Variants in HDDC3 observed in about 807,000 individuals in gnomAD.
HDDC3 encodes the protein HD domain containing 3.
In HDDC3, 18 loss-of-function variants were observed where a neutral mutation model predicts 19.1. The observed-to-expected ratio is 0.94, with a 90% CI of 0.65 to 1.40. HDDC3 has a LOEUF of 1.40. Ranked by LOEUF, HDDC3 falls within the 40% of genes most tolerant of loss-of-function variation. The pLI is 0.00. For synonymous variants in HDDC3, 107 were observed against 99.4 expected (o/e 1.08, Z -0.46); for missense variants, 250 against 228.9 (o/e 1.09, Z -0.59).
intron 1 of HDDC3, 111 bp from the exon 2 acceptor site, chr15:90,932,221 G>C: frequency 2.4e-6 from 3 of 1,228,460 alleles, no homozygotes; most frequent in Non-Finnish European, 3.4e-6. Context: ...CTAGCTGGGT[G>C]ACCTTGGTCA....
chr15:90,931,159 C>T lies in HDDC3; in HGVS notation c.*116G>A, dbSNP rs536721315. The stretch of plus-strand genomic sequence containing the variant: ...AGAAAAAATGCAAGTCTTTTTTTGG[C>T]CTCTAATATCTGGGAAGGATGGAGG... On this transcript the variant is annotated 3_prime_UTR_variant, in exon 4 of 4. Transcript: ENST00000394272. 5 of 1,270,800 alleles carry T rather than the reference C, an allele frequency of 3.9e-6. No homozygotes were observed. The East Asian group carries it at 1.0e-4, about 26-fold the overall frequency. The allele number at this position is 1,270,800 out of a possible 1,614,324, so 78.7% of individuals were successfully genotyped here. A position where few individuals can be genotyped will look rare whatever the true frequency, so the allele number is the denominator to read the frequency against.
chr15:90,932,501 A>G lies in HDDC3; in HGVS notation c.40T>C (p.Phe14Leu). 2 of 1,300,618 alleles carry G rather than the reference A, an allele frequency of 1.5e-6. No homozygotes were observed. Among genetic ancestry groups the G allele is most frequent in the Non-Finnish European group, 9.8e-7 (1 of 1,024,742 alleles). The allele number at this position is 1,300,618 out of a possible 1,614,324, so 80.6% of individuals were successfully genotyped here. Reference protein sequence around the residue: ...EAAQLLEAADFAARKHRQQRR... With the variant: ...EAAQLLEAADLAARKHRQQRR... ...TGCTGCCGGTGCTTGCGAGCCGCGA[A>G]GTCGGCAGCCTCCAGCAGCTGCGCC... The change falls in exon 1 of 4, where the codon TTC becomes CTC. Residue 14 changes from phenylalanine to leucine, a missense_variant. Transcript: ENST00000394272.
At position 90,931,814 on chromosome 15, in the gene HDDC3, C is replaced by G; in HGVS notation, c.299G>C (p.Arg100Thr). 1.2e-6 allele frequency: 2 copies of G among 1,614,164 alleles called. No homozygotes were observed. Among genetic ancestry groups the G allele is most frequent in the Non-Finnish European group, 1.7e-6 (2 of 1,180,022 alleles). ...CGCTTGCTCCACCTGCAGCCTCTTT[C>G]TCTCCAGCTTGGGCAGAGTCTTGTC... ...TDDKTLPKLE[R>T]KRLQVEQAPH... Residue 100 changes from arginine (R) to threonine (T), a missense_variant, in exon 3 of 4, where the codon AGA (arginine) becomes ACA (threonine). By Grantham distance (71) the Arg-to-Thr change is moderately conservative (BLOSUM62 -1). Transcript: ENST00000394272.
At position 90,931,853 on chromosome 15, in the gene HDDC3, T is replaced by A; in HGVS notation, c.260A>T (p.Glu87Val). 6.2e-7 allele frequency: 1 copy of A among 1,614,134 alleles called. No individual in the cohort carries two copies. Among genetic ancestry groups the A allele is most frequent in the Non-Finnish European group, 8.5e-7 (1 of 1,180,016 alleles). Residue 87 changes from glutamate (E) to valine (V), a missense_variant, in exon 3 of 4, where the codon GAG becomes GTG. Glu to Val is a moderately radical substitution (Grantham distance 121, BLOSUM62 -2). Coordinates refer to ENST00000394272, the MANE Select transcript of HDDC3 (RefSeq NM_001286451.2). The part of the protein sequence containing the change: ...HFGAQVRRLV[E>V]EVTDDKTLPK... Reference sequence around the variant, plus strand: ...CAGAGTCTTGTCATCTGTTACCTCCTCCACCAGGCGCCGCACTTGTGCCCC... The same window carrying A: ...CAGAGTCTTGTCATCTGTTACCTCCACCACCAGGCGCCGCACTTGTGCCCC...
At position 90,931,533 on chromosome 15, in the gene HDDC3, C is replaced by G. The variant is rs1310664370; in HGVS notation, c.410-128G>C. ...GAATGAGCTGTCCTGAAAACTTCCC[C>G]TTGGCCCAGCTATTGTATTTTTACT... is the stretch of plus-strand genomic sequence containing the variant. On this transcript the variant is annotated intron_variant, in intron 3 of 3. Transcript: ENST00000394272. 3.1e-6 allele frequency: 5 copies of G among 1,614,176 alleles called. No individual in the cohort carries two copies. In the East Asian group the frequency reaches 8.9e-5, roughly 29 times the overall value.
intron 1 of HDDC3, 28 bp from the exon 2 acceptor site, chr15:90,932,138 C>T (rs1476843445): frequency 6.4e-7 from 1 of 1,572,220 alleles, no homozygotes; most frequent in Non-Finnish European, 8.6e-7. Flanking sequence ...AGCAGGAAGT[C>T]AGGTCGGAGG....
intron 1 of HDDC3, 132 bp from the exon 2 acceptor site, chr15:90,932,242 C>T (rs2035826359): frequency 3.0e-6 from 3 of 994,346 alleles, no homozygotes; most frequent in Non-Finnish European, 4.4e-6. Flanking sequence ...AGTACCTTAC[C>T]CTCTGGGAGC....
rs1477051811 is a variant in HDDC3 at position 90,930,148 on chromosome 15, G to C, written c.*1127C>G. 6.6e-6 allele frequency: 1 copy of C among 152,150 alleles called. No individual in the cohort carries two copies. The highest frequency in any genetic ancestry group is 1.5e-5 in the Non-Finnish European group (1 of 68,016). 9.4% of individuals were successfully genotyped at this position (152,150 alleles called of 1,614,324 possible). On this transcript the variant is annotated 3_prime_UTR_variant, in exon 4 of 4. Transcript: ENST00000394272. ...GGCTCCCGGGGTCGGACAGCCCCGG[G>C]CCACTTCCGGGCCTTCCCGGAAGTC...
rs918047538 is a variant in HDDC3, at chr15:90,930,026, C to T, written c.*1249G>A. ...GCAGAATAAAATACATAAAAATAAA[C>T]CTCAGCTGCTCAGCAACGACTGAAA... is the stretch of plus-strand genomic sequence containing the variant. On this transcript the variant is annotated 3_prime_UTR_variant, in exon 4 of 4. Coordinates refer to ENST00000394272, the MANE Select transcript of HDDC3 (RefSeq NM_001286451.2). 2.0e-5 allele frequency: 3 copies of T among 152,300 alleles called. No homozygotes were observed. Among genetic ancestry groups the T allele is most frequent in the East Asian group, 3.9e-4 (2 of 5,184 alleles). The allele number at this position is 152,300 out of a possible 1,614,324, so 9.4% of individuals were successfully genotyped here.
intron 1 of HDDC3, 33 bp from the exon 2 acceptor site, chr15:90,932,143 C>A (rs757374020): frequency 1.9e-6 from 3 of 1,566,064 alleles, no homozygotes; most frequent in Non-Finnish European, 2.6e-6. Context: ...GAAGTCAGGT[C>A]GGAGGTAGTC....
rs202109806 is a variant in HDDC3 at position 90,931,559 on chromosome 15, G to A, written c.409+145C>T. On this transcript the variant is annotated intron_variant, in intron 3 of 3. Transcript: ENST00000394272. The stretch of plus-strand genomic sequence containing the variant: ...TTGGCCCAGCTATTGTATTTTTACT[G>A]TATGAAAGAAGATCAAAGAGTGGTC... The A allele has an allele frequency of 1.6e-3, 2,638 of 1,614,100 alleles. 5 individuals are homozygous for A. The highest frequency in any genetic ancestry group is 2.1e-3 in the Non-Finnish European group (2,441 of 1,180,052).
chr15:90,931,606 T>G, intron 3 of HDDC3, 98 bp downstream of exon 3: 1 of 1,614,072 alleles, frequency 6.2e-7, no homozygotes, highest in Non-Finnish European at 8.5e-7. Context: ...ATTTGGGAAT[T>G]AAGAATGCCC....
chr15:90,932,492 G>A lies in HDDC3; in HGVS notation c.49C>T (p.Arg17Cys), dbSNP rs766705648. Reference sequence around the variant, plus strand: ...TTCCGCCGCTGCTGCCGGTGCTTGCGAGCCGCGAAGTCGGCAGCCTCCAGC... The same window carrying A: ...TTCCGCCGCTGCTGCCGGTGCTTGCAAGCCGCGAAGTCGGCAGCCTCCAGC... The part of the protein sequence containing the change: ...QLLEAADFAA[R>C]KHRQQRRKDP... Residue 17 changes from arginine to cysteine, a missense_variant, in exon 1 of 4, where the codon CGC becomes TGC. Arg to Cys is a radical substitution (Grantham distance 180, BLOSUM62 -3). Transcript: ENST00000394272. 4 of 1,309,680 alleles carry A rather than the reference G, an allele frequency of 3.1e-6. No homozygotes were observed. The highest frequency in any genetic ancestry group is 3.0e-5 in the East Asian group (1 of 33,712). The allele number at this position is 1,309,680 out of a possible 1,614,324, so 81.1% of individuals were successfully genotyped here.
rs368232713 is a variant in HDDC3, at chr15:90,932,008, C to A, written c.168+47G>T. 9.9e-6 allele frequency: 16 copies of A among 1,613,776 alleles called. 1 individual carries two copies. In the Middle Eastern group the frequency reaches 2.0e-3, roughly 199 times the overall value. On this transcript the variant is annotated intron_variant, in intron 2 of 3. Transcript: ENST00000394272. ...AAGGGTTGCCCATTGCTGAATGGGGCCCCTAATCCCCATCCCAGGCTCCTG... is the reference window on the plus strand; with the variant it reads ...AAGGGTTGCCCATTGCTGAATGGGGACCCTAATCCCCATCCCAGGCTCCTG...
Position 90,931,156 on chromosome 15 carries a change from TGGCC to T in HDDC3, c.*115_*118del. 3 of 1,242,728 alleles carry T rather than the reference TGGCC, an allele frequency of 2.4e-6. No individual in the cohort carries two copies. Among genetic ancestry groups the T allele is most frequent in the Admixed American group, 5.1e-5 (2 of 39,048 alleles). 77.0% of individuals were successfully genotyped at this position (1,242,728 alleles called of 1,614,324 possible). ...CTGAGAAAAAATGCAAGTCTTTTTTTGGCCTCTAATATCTGGGAAGGATGGAGGG... is the reference window on the plus strand; with the variant it reads ...CTGAGAAAAAATGCAAGTCTTTTTTTTCTAATATCTGGGAAGGATGGAGGG... On this transcript the variant is annotated 3_prime_UTR_variant, in exon 4 of 4. Transcript: ENST00000394272.
chr15:90,932,152 T>A, intron 1 of HDDC3, 42 bp from the exon 2 acceptor site: 2 of 1,554,702 alleles, frequency 1.3e-6, no homozygotes, highest in South Asian at 2.5e-5. Context: ...TCGGAGGTAG[T>A]CCCAAGGCGG....
Position 90,932,487 on chromosome 15 carries a change from C to A in HDDC3, c.54G>T (p.Lys18Asn). The change falls in exon 1 of 4, where the codon AAG becomes AAT. Residue 18 changes from lysine (K) to asparagine (N), a missense_variant. Coordinates refer to ENST00000394272, the MANE Select transcript of HDDC3 (RefSeq NM_001286451.2). ...LLEAADFAAR[K>N]HRQQRRKDPE... ...GGTCCTTCCGCCGCTGCTGCCGGTGCTTGCGAGCCGCGAAGTCGGCAGCCT... is the reference window on the plus strand; with the variant it reads ...GGTCCTTCCGCCGCTGCTGCCGGTGATTGCGAGCCGCGAAGTCGGCAGCCT... 1 of 1,310,818 alleles carries A rather than the reference C, an allele frequency of 7.6e-7. No homozygotes were observed. Among genetic ancestry groups the A allele is most frequent in the Non-Finnish European group, 9.7e-7 (1 of 1,030,660 alleles). The allele number at this position is 1,310,818 out of a possible 1,614,324, so 81.2% of individuals were successfully genotyped here. A position where few individuals can be genotyped will look rare whatever the true frequency, so the allele number is the denominator to read the frequency against.
Position 90,931,057 on chromosome 15 carries a change from G to A in HDDC3, c.*218C>T. 1 of 554,898 alleles carries A rather than the reference G, an allele frequency of 1.8e-6. No individual in the cohort carries two copies. The highest frequency in any genetic ancestry group is 2.1e-5 in the South Asian group (1 of 47,844). 34.4% of individuals were successfully genotyped at this position (554,898 alleles called of 1,614,324 possible). Reference sequence around the variant, plus strand: ...CCCAAGACTTGGGGAGAGGCGGTGAGTGCATCAGAAATGGATGGGTACATC... The same window carrying A: ...CCCAAGACTTGGGGAGAGGCGGTGAATGCATCAGAAATGGATGGGTACATC... On this transcript the variant is annotated 3_prime_UTR_variant, in exon 4 of 4. Transcript: ENST00000394272.
At position 90,931,790 on chromosome 15, in the gene HDDC3, G is replaced by A; in HGVS notation, c.323C>T (p.Ala108Val). ...TTTGGCCCCGGGGCTACTGTGGGGCGCTTGCTCCACCTGCAGCCTCTTTCT... is the reference window on the plus strand; with the variant it reads ...TTTGGCCCCGGGGCTACTGTGGGGCACTTGCTCCACCTGCAGCCTCTTTCT... ...LERKRLQVEQAPHSSPGAKLV... is the reference protein window; with the variant it reads ...LERKRLQVEQVPHSSPGAKLV... Residue 108 changes from alanine to valine, a missense_variant, in exon 3 of 4, where the codon GCG (alanine) becomes GTG (valine). Transcript: ENST00000394272. The A allele has an allele frequency of 1.2e-6, 2 of 1,614,106 alleles. No homozygotes were observed. The highest frequency in any genetic ancestry group is 1.7e-6 in the Non-Finnish European group (2 of 1,180,014).
Sources: gnomAD v4.1 joint callset for allele counts on GRCh38, gnomAD v4.1.1 for gene constraint, MANE v1.5 for transcripts, NCBI Gene and HGNC (gene_info 2026-07-23, HGNC 2026-07-21) for gene names.